ZNF326: variants seen among roughly 807,000 people sequenced by gnomAD.
The protein encoded by ZNF326 is DBIRD complex subunit ZNF326.
ZNF326 carries 30 observed loss-of-function variants against 63.1 expected under a neutral mutation model. The ratio of observed to expected loss-of-function variants is 0.48; its 90% CI spans 0.36 to 0.64. The LOEUF (loss-of-function observed/expected upper bound fraction) is 0.64, where lower values mean the gene tolerates loss of function less well. Among genes scored for constraint, ZNF326 ranks in the 30% least tolerant of loss-of-function variants. The pLI is 0.00. For synonymous variants in ZNF326, 194 were observed against 228.2 expected, an observed-to-expected ratio of 0.85 and a Z score of 1.35; for missense variants, 609 against 720.3, an observed-to-expected ratio of 0.85 and a Z score of 1.77.
chr1:90,003,384 G>A (rs1036432880), intron 2 of ZNF326, among the ~76,000 whole-genome samples: 1 of 151,974 alleles, frequency 6.6e-6, no homozygotes, highest in East Asian at 1.9e-4. Context: ...TACCTGCCTC[G>A]ACCTCCCAAA....
Position 90,004,980 on chromosome 1 carries a change from A to G in ZNF326, c.62-23A>G, listed in dbSNP as rs566419576. On this transcript the variant is annotated intron_variant, in intron 2 of 11. Transcript: ENST00000340281. ...AAGAGAATGGTGTATTTTACTGACA[A>G]TTTCTTATTGACTCTCTTTTAGGAA... is the stretch of plus-strand genomic sequence containing the variant. The G allele has an allele frequency of 3.7e-6, 6 of 1,609,952 alleles. No homozygotes were observed. The East Asian group carries it at 6.7e-5, about 18-fold the overall frequency.
chr1:90,013,247 T>TA lies in ZNF326; in HGVS notation c.926+11dup, dbSNP rs1386166798. ...ACGGAGATGGATACAGGTTTGTACT[T>TA]AGAGTCAGAAAATTAGGTTCATTAA... On this transcript the variant is annotated intron_variant, in intron 7 of 11. Coordinates refer to ENST00000340281, the MANE Select transcript of ZNF326 (RefSeq NM_182976.4). The TA allele has an allele frequency of 1.3e-6, 2 of 1,532,288 alleles. No individual in the cohort carries two copies. Among genetic ancestry groups the TA allele is most frequent in the Non-Finnish European group, 1.8e-6 (2 of 1,138,444 alleles). The allele number at this position is 1,532,288 out of a possible 1,614,324, so 94.9% of individuals were successfully genotyped here.
Position 90,013,256 on chromosome 1 carries a change from A to C in ZNF326, c.926+19A>C, listed in dbSNP as rs765126117. ...GATACAGGTTTGTACTTAGAGTCAG[A>C]AAATTAGGTTCATTAAAAAATGATT... On this transcript the variant is annotated intron_variant, in intron 7 of 11. Transcript: ENST00000340281. The C allele has an allele frequency of 6.7e-7, 1 of 1,497,842 alleles. No individual in the cohort carries two copies. The highest frequency in any genetic ancestry group is 2.3e-5 in the Admixed American group (1 of 43,194). The allele number at this position is 1,497,842 out of a possible 1,614,324, so 92.8% of individuals were successfully genotyped here.
chr1:90,016,448 G>T (rs1649507349), intron 7 of ZNF326, among the ~76,000 whole-genome samples: 1 of 152,138 alleles, frequency 6.6e-6, no homozygotes, highest in Non-Finnish European at 1.5e-5. Flanking sequence ...GGTCACGGTG[G>T]CTCACACTTG....
At chr1:90,019,589 T>C (rs562291535) in intron 9 of ZNF326, among the ~76,000 whole-genome samples, 5 of 152,284 alleles carry the variant, frequency 3.3e-5, no homozygotes, top group South Asian at 2.1e-4. Context: ...GCCACTCTTT[T>C]AGAATTTGAT....
chr1:90,010,880 T>A (rs1384755701), intron 6 of ZNF326, among the ~76,000 whole-genome samples: 1 of 152,178 alleles, frequency 6.6e-6, no homozygotes, highest in African/African-American at 2.4e-5. Context: ...CCTTATTGTT[T>A]AATAAGAAAC....
chr1:90,026,431 C>T (rs1292953854), intron 11 of ZNF326, among the ~76,000 whole-genome samples: 1 of 152,188 alleles, frequency 6.6e-6, no homozygotes, highest in Non-Finnish European at 1.5e-5. Context: ...ATATCTTATT[C>T]TGAACTCTCC....
In ZNF326 at chr1:90,034,445, T is replaced by C. The variant is rs1392444682; in HGVS notation, c.*6744T>C. On this transcript the variant is annotated 3_prime_UTR_variant, in exon 12 of 12. Coordinates refer to ENST00000340281, the MANE Select transcript of ZNF326 (RefSeq NM_182976.4). ...AAGAGTTCAAAATAGAGGAAACATT[T>C]TGAATTATATAGTGCACAAATTTTA... The C allele has an allele frequency of 2.6e-5, 4 of 152,152 alleles. No individual in the cohort carries two copies. The highest frequency in any genetic ancestry group is 4.4e-5 in the Non-Finnish European group (3 of 67,996). 9.4% of individuals were successfully genotyped at this position (152,152 alleles called of 1,614,324 possible).
chr1:90,024,843 AG>A (rs1649936146), intron 11 of ZNF326, among the ~76,000 whole-genome samples: 1 of 152,154 alleles, frequency 6.6e-6, no homozygotes, highest in East Asian at 1.9e-4. Context: ...ATGTAAATTC[AG>A]TAAGTGTTCT....
At position 89,995,208 on chromosome 1, in the gene ZNF326, G is replaced by T; in HGVS notation, c.-50G>T. ...CGCGGGTCGCGGACGCTCGCCGCCG[G>T]CCATAGCTCAGCCTAGCGCCGCCAA... On this transcript the variant is annotated 5_prime_UTR_variant, in exon 1 of 12. Transcript: ENST00000340281. The T allele has an allele frequency of 6.5e-7, 1 of 1,531,050 alleles. No homozygotes were observed. The highest frequency in any genetic ancestry group is 8.8e-7 in the Non-Finnish European group (1 of 1,142,122). 94.8% of individuals were successfully genotyped at this position (1,531,050 alleles called of 1,614,324 possible).
chr1:90,011,928 CT>C (rs1649266640), intron 6 of ZNF326, among the ~76,000 whole-genome samples: 1 of 152,162 alleles, frequency 6.6e-6, no homozygotes, highest in Non-Finnish European at 1.5e-5. Context: ...ACCTCTGCCC[CT>C]GGGTTCAAGC....
chr1:90,018,307 A>C (rs947490472), intron 8 of ZNF326, among the ~76,000 whole-genome samples: 5 of 151,646 alleles, frequency 3.3e-5, no homozygotes, highest in Non-Finnish European at 7.4e-5. Flanking sequence ...AAAAAAAAAA[A>C]AGTGACCTTT....
rs966177790 is a variant in ZNF326 at position 90,034,099 on chromosome 1, T to G, written c.*6398T>G. On this transcript the variant is annotated 3_prime_UTR_variant, in exon 12 of 12. Coordinates refer to ENST00000340281, the MANE Select transcript of ZNF326 (RefSeq NM_182976.4). ...AATGTCTAAAGAGAAACAGTGTACC[T>G]ATAAGGGGAAAAGAATCACATTGGT... 5 of 152,136 alleles carry G rather than the reference T, an allele frequency of 3.3e-5. No homozygotes were observed. The highest frequency in any genetic ancestry group is 1.2e-4 in the African/African-American group (5 of 41,442). 9.4% of individuals were successfully genotyped at this position (152,136 alleles called of 1,614,324 possible).
rs182559748 is a variant in ZNF326, at chr1:89,998,141, T to C, written c.48T>C (p.Tyr16=). Residue 16 remains tyrosine, a synonymous_variant, in exon 2 of 12, where the codon TAT becomes TAC. Coordinates refer to ENST00000340281, the MANE Select transcript of ZNF326 (RefSeq NM_182976.4). ...DYTHSACRNT[Y]QGFNGMDRDY... ...CACACTCCGCCTGCAGGAATACTTA[T>C]CAGGGCTTTAATGGTAAGTATCCTC... is the stretch of plus-strand genomic sequence containing the variant. The C allele has an allele frequency of 2.9e-5, 46 of 1,613,312 alleles. 2 individuals are homozygous for C. In the East Asian group the frequency reaches 9.2e-4, roughly 32 times the overall value.
Position 90,031,170 on chromosome 1 carries a change from A to G in ZNF326, c.*3469A>G, listed in dbSNP as rs1650256225. 6.6e-6 allele frequency: 1 copy of G among 152,212 alleles called. No individual in the cohort carries two copies. Among genetic ancestry groups the G allele is most frequent in the East Asian group, 1.9e-4 (1 of 5,192 alleles). The allele number at this position is 152,212 out of a possible 1,614,324, so 9.4% of individuals were successfully genotyped here. A position where few individuals can be genotyped will look rare whatever the true frequency, so the allele number is the denominator to read the frequency against. Reference sequence around the variant, plus strand: ...CTTTCTGAAAGCACTGGAATCTATAACAGACCTGTGGGAGTCAGAAAATGG... The same window carrying G: ...CTTTCTGAAAGCACTGGAATCTATAGCAGACCTGTGGGAGTCAGAAAATGG... On this transcript the variant is annotated 3_prime_UTR_variant, in exon 12 of 12. Coordinates refer to ENST00000340281, the MANE Select transcript of ZNF326 (RefSeq NM_182976.4).
Position 90,027,325 on chromosome 1 carries a change from A to C in ZNF326, c.1402-29A>C, listed in dbSNP as rs202118674. On this transcript the variant is annotated intron_variant, in intron 11 of 11. Transcript: ENST00000340281. ...AGATCATGTAATAATGAATGTGCTG[A>C]TTTTGAAAGCCATTTCTTATGTTTT... is the stretch of plus-strand genomic sequence containing the variant. 2.0e-4 allele frequency: 317 copies of C among 1,603,390 alleles called. 1 individual carries two copies. The highest frequency in any genetic ancestry group is 4.4e-4 in the Admixed American group (26 of 58,604).
intron 4 of ZNF326, 161 bp downstream of exon 4, chr1:90,005,405 T>G: frequency 7.3e-7 from 1 of 1,370,508 alleles, no homozygotes; most frequent in Non-Finnish European, 9.4e-7. Flanking sequence ...GGTATAAAAT[T>G]TAAATCAGTA....
chr1:89,995,762 G>T (rs923361400), intron 1 of ZNF326, among the ~76,000 whole-genome samples: 2 of 152,216 alleles, frequency 1.3e-5, no homozygotes, highest in Non-Finnish European at 2.9e-5. Flanking sequence ...TGTTTGTCCC[G>T]GTTTAAGATG....
rs1310490257 is a variant in ZNF326, at chr1:90,007,653, G to A, written c.518G>A (p.Arg173Gln). The change falls in exon 5 of 12, where the codon CGG becomes CAG. Residue 173 changes from arginine to glutamine, a missense_variant. By Grantham distance (43) the Arg-to-Gln change is conservative. Coordinates refer to ENST00000340281, the MANE Select transcript of ZNF326 (RefSeq NM_182976.4). The surrounding 1 kb of genome is among the most constrained non-coding windows in gnomAD (Gnocchi z 4.9). ...PHMKPAPVGS[R>Q]GRGTPAYPES... The stretch of plus-strand genomic sequence containing the variant: ...ATGAAGCCTGCACCTGTAGGCTCTC[G>A]GGGGAGAGGAACGCCTGCTTATCCT... 6 of 1,540,012 alleles carry A rather than the reference G, an allele frequency of 3.9e-6. No individual in the cohort carries two copies. The Admixed American group carries it at 6.4e-5, about 16-fold the overall frequency.
Sources: allele counts gnomAD v4.1 joint callset (sites outside exome capture counted in the v4.1 genomes callset), GRCh38; gene constraint gnomAD v4.1.1; non-coding constraint Gnocchi (gnomAD v3.1); transcripts MANE v1.5; gene names NCBI Gene and HGNC (gene_info 2026-07-23, HGNC 2026-07-21).